Variants in SBF2 observed in about 807,000 individuals in gnomAD.
The protein encoded by SBF2 is myotubularin-related protein 13.
SBF2 carries 112 observed loss-of-function variants against 225.2 expected under a neutral mutation model. The ratio of observed to expected loss-of-function variants is 0.50; its 90% CI spans 0.43 to 0.58. SBF2 has a LOEUF of 0.58. SBF2 is among the 20% of genes least tolerant of loss of function. The probability of loss-of-function intolerance (pLI) is 0.00; values close to 1 mark genes in which losing one functional copy is unlikely to be tolerated. For synonymous variants in SBF2, 763 were observed against 773.3 expected (o/e 0.99, Z 0.22); for missense variants, 1,996 against 2,206.2 (o/e 0.90, Z 1.91).
intron 2 of SBF2, among the ~76,000 whole-genome samples, chr11:10,175,142 A>C (rs1418786145): frequency 6.7e-6 from 1 of 150,242 alleles, no homozygotes; most frequent in African/African-American, 2.4e-5. Context: ...TAATGACAGG[A>C]TCAAATTCAC....
chr11:10,255,138 C>T (rs185547111), intron 1 of SBF2, among the ~76,000 whole-genome samples: 3 of 151,644 alleles, frequency 2.0e-5, no homozygotes, highest in African/African-American at 7.3e-5. Flanking sequence ...CTTCAGTTAG[C>T]CAAAAGAAAA....
At chr11:10,084,889 G>A (rs1483299790) in intron 2 of SBF2, among the ~76,000 whole-genome samples, 1 of 152,200 alleles carries the variant, frequency 6.6e-6, no homozygotes, top group African/African-American at 2.4e-5. Context: ...GTGTTCACAT[G>A]GATGAGAGAG....
chr11:9,997,603 C>T (rs911857721), intron 9 of SBF2, among the ~76,000 whole-genome samples: 6 of 152,126 alleles, frequency 3.9e-5, no homozygotes, highest in African/African-American at 1.4e-4. Flanking sequence ...ACAGTGAAAC[C>T]CTGTCTCTAC....
intron 2 of SBF2, among the ~76,000 whole-genome samples, chr11:10,055,928 G>A (rs1378160127): frequency 6.6e-6 from 1 of 151,566 alleles, no homozygotes; most frequent in Non-Finnish European, 1.5e-5. Context: ...TAAAGTTATT[G>A]AAATAAAAAA....
chr11:10,128,930 A>G (rs1402041887), intron 2 of SBF2, among the ~76,000 whole-genome samples: 6 of 152,138 alleles, frequency 3.9e-5, no homozygotes, highest in African/African-American at 1.2e-4. Context: ...CTATCAAAAC[A>G]GGAATTCCTT....
At chr11:10,055,568 CA>C (rs1226269588) in intron 2 of SBF2, among the ~76,000 whole-genome samples, 15 of 130,934 alleles carry the variant, frequency 1.1e-4, no homozygotes, top group South Asian at 5.0e-4. Flanking sequence ...CACACACACA[CA>C]CACCATGGAA....
At chr11:9,792,236 A>G (rs1230592534) in intron 33 of SBF2, among the ~76,000 whole-genome samples, 1 of 152,076 alleles carries the variant, frequency 6.6e-6, no homozygotes, top group African/African-American at 2.4e-5. Flanking sequence ...GTTTGAGACC[A>G]GCCTGCCAAC....
chr11:10,294,655 TG>T (rs1321683184), upstream of SBF2, among the ~76,000 whole-genome samples: 1 of 152,178 alleles, frequency 6.6e-6, no homozygotes, highest in Non-Finnish European at 1.5e-5. Flanking sequence ...CTGTTTATGT[TG>T]TGTAGATGGG....
At chr11:10,278,576 T>C (rs1023036746) in intron 1 of SBF2, among the ~76,000 whole-genome samples, 3 of 151,510 alleles carry the variant, frequency 2.0e-5, no homozygotes, top group Non-Finnish European at 2.9e-5. Flanking sequence ...AGGTCAGGAG[T>C]TTGAGATCAG....
intron 6 of SBF2, among the ~76,000 whole-genome samples, chr11:10,013,629 G>C (rs774345088): frequency 1.3e-5 from 2 of 152,118 alleles, no homozygotes; most frequent in Admixed American, 1.3e-4. Context: ...GTCCAATGCT[G>C]TCCAATTTCT....
At chr11:10,026,654 C>T (rs1461833800) in intron 6 of SBF2, among the ~76,000 whole-genome samples, 1 of 152,100 alleles carries the variant, frequency 6.6e-6, no homozygotes, top group African/African-American at 2.4e-5. Context: ...GGGAAGACTG[C>T]TTGAGCCCAG....
At chr11:10,081,114 C>A (rs1211549318) in intron 2 of SBF2, among the ~76,000 whole-genome samples, 2 of 152,122 alleles carry the variant, frequency 1.3e-5, no homozygotes, top group East Asian at 3.9e-4. Context: ...ACAGAACATT[C>A]TATACAAGGA....
chr11:10,036,137 A>C (rs1379778344), intron 3 of SBF2, among the ~76,000 whole-genome samples: 6 of 152,124 alleles, frequency 3.9e-5, no homozygotes, highest in African/African-American at 1.2e-4. Context: ...TGGAAACCAT[A>C]ATTCTCGGCA....
intron 1 of SBF2, among the ~76,000 whole-genome samples, chr11:10,227,558 G>C (rs935092637): frequency 2.6e-5 from 4 of 152,138 alleles, no homozygotes; most frequent in Admixed American, 6.6e-5. Flanking sequence ...AGTTTTCCCA[G>C]CACCATTTAT....
chr11:10,168,207 C>A (rs1327951663), intron 2 of SBF2, among the ~76,000 whole-genome samples: 9 of 152,172 alleles, frequency 5.9e-5, no homozygotes, highest in African/African-American at 1.4e-4. Context: ...ATATCTTCAA[C>A]CCTGATCTCA....
chr11:9,983,508 A>G (rs1284759518), intron 13 of SBF2, among the ~76,000 whole-genome samples: 1 of 152,152 alleles, frequency 6.6e-6, no homozygotes, highest in Non-Finnish European at 1.5e-5. Context: ...TGGTAGCAGA[A>G]GACAAAGGGC....
At chr11:10,096,302 G>T (rs1415416909) in intron 2 of SBF2, among the ~76,000 whole-genome samples, 2 of 151,686 alleles carry the variant, frequency 1.3e-5, no homozygotes, top group African/African-American at 4.8e-5. Context: ...AACAATACAG[G>T]TGAATCAAGA....
chr11:9,949,793 T>C (rs1865755794), intron 16 of SBF2, among the ~76,000 whole-genome samples: 1 of 152,110 alleles, frequency 6.6e-6, no homozygotes, highest in African/African-American at 2.4e-5. Flanking sequence ...AAAAACATAA[T>C]GCTGACTGAC....
At chr11:9,979,810 CTTT>C (rs933648882) in intron 13 of SBF2, among the ~76,000 whole-genome samples, 18 of 137,168 alleles carry the variant, frequency 1.3e-4, no homozygotes, top group Admixed American at 1.5e-4. Context: ...TTAAATTCAT[CTTT>C]TTTTTTTTTT....
Sources: allele counts gnomAD v4.1 joint callset (sites outside exome capture counted in the v4.1 genomes callset), GRCh38; gene constraint gnomAD v4.1.1; transcripts MANE v1.5; gene names NCBI Gene and HGNC (gene_info 2026-07-23, HGNC 2026-07-21).